Variants in FARP1 observed in about 807,000 individuals in gnomAD.
The protein encoded by FARP1 is FERM, ARH/RhoGEF and pleckstrin domain protein 1, also known as FERM, ARHGEF and pleckstrin domain-containing protein 1.
A neutral mutation model predicts 128.8 loss-of-function variants in FARP1; 52 were observed. The observed-to-expected ratio is 0.40, with a 90% confidence interval of 0.32 to 0.51. The LOEUF (loss-of-function observed/expected upper bound fraction) is 0.51. Among genes scored for constraint, FARP1 ranks in the 20% least tolerant of loss-of-function variants. The probability of loss-of-function intolerance (pLI) is 0.45; values close to 1 mark genes in which losing one functional copy is unlikely to be tolerated. For synonymous variants in FARP1, 580 were observed against 551.8 expected (o/e 1.05, Z -0.72); for missense variants, 1,333 against 1,367.9 (o/e 0.97, Z 0.40).
In FARP1 at chr13:98,452,831, T is replaced by G. The variant is rs1405009786; in HGVS notation, c.*4514T>G. 3 of 222,374 alleles carry G rather than the reference T, an allele frequency of 1.3e-5. No homozygotes were observed. The highest frequency in any genetic ancestry group is 2.3e-5 in the African/African-American group (1 of 43,774). The allele number at this position is 222,374 out of a possible 1,614,324, so 13.8% of individuals were successfully genotyped here. A position where few individuals can be genotyped will look rare whatever the true frequency, so the allele number is the denominator to read the frequency against. Reference sequence around the variant, plus strand: ...GATACCTGAGGTTTCATGTCTTTAGTTGCCTTATCATAATCCCAAATATAC... The same window carrying G: ...GATACCTGAGGTTTCATGTCTTTAGGTGCCTTATCATAATCCCAAATATAC... On this transcript the variant is annotated 3_prime_UTR_variant, in exon 27 of 27. Coordinates refer to ENST00000319562, the MANE Select transcript of FARP1 (RefSeq NM_005766.4).
chr13:98,345,906 G>A lies in FARP1; in HGVS notation c.276+2040G>A, dbSNP rs184042463. On this transcript the variant is annotated intron_variant, in intron 3 of 26. Coordinates refer to ENST00000319562, the MANE Select transcript of FARP1 (RefSeq NM_005766.4). The stretch of plus-strand genomic sequence containing the variant: ...TAACAGGAAGCCATAGTCGGCCAAC[G>A]CATGCTCTAGAGAGTGATAACTGCC... Among the ~76,000 whole-genome samples the A allele has an allele frequency of 4.6e-5, 7 of 152,304 alleles. No homozygotes were observed. In the South Asian group the frequency reaches 6.2e-4, roughly 14 times the overall value.
chr13:98,390,025 C>A lies in FARP1; in HGVS notation c.924C>A (p.Ile308=), dbSNP rs761416643. ...ATTTCTGCAAGTCCTTCTGGAAAATCTGTGTTGAACATCATGCCTTCTTTA... is the reference window on the plus strand; with the variant it reads ...ATTTCTGCAAGTCCTTCTGGAAAATATGTGTTGAACATCATGCCTTCTTTA... ...SRDFCKSFWK[I]CVEHHAFFRL... is the part of the protein sequence containing the mutation. Residue 308 remains isoleucine, a synonymous_variant, in exon 10 of 27, where the codon ATC becomes ATA. Transcript: ENST00000319562. The A allele has an allele frequency of 2.5e-6, 4 of 1,614,072 alleles. No individual in the cohort carries two copies. In the African/African-American group the frequency reaches 5.3e-5, roughly 22 times the overall value.
At chr13:98,407,458 T>C (rs1891027255) in intron 13 of FARP1, 1 of 152,210 alleles carries the variant, frequency 6.6e-6, no homozygotes, top group Admixed American at 6.5e-5. Flanking sequence ...TATTTAGTTG[T>C]GCACTAGTGT....
chr13:98,386,861 A>G (rs1360274513), intron 8 of FARP1, among the ~76,000 whole-genome samples: 3 of 152,206 alleles, frequency 2.0e-5, no homozygotes, highest in Non-Finnish European at 4.4e-5. Context: ...ATGACAGCAT[A>G]ATTATTACAA....
chr13:98,244,724 T>G (rs1882968381), intron 2 of FARP1: 1 of 1,607,914 alleles, frequency 6.2e-7, no homozygotes, highest in East Asian at 2.2e-5. Flanking sequence ...GGACTTGAAG[T>G]CCTGTTTCAT....
chr13:98,277,686 C>G (rs1216688868), intron 2 of FARP1, among the ~76,000 whole-genome samples: 1 of 152,182 alleles, frequency 6.6e-6, no homozygotes, highest in Admixed American at 6.5e-5. Context: ...CCGAGTGAGT[C>G]TCAGTTCCCT....
chr13:98,417,459 A>AGG (rs1566305151), intron 16 of FARP1, among the ~76,000 whole-genome samples: 5 of 99,500 alleles, frequency 5.0e-5, no homozygotes, highest in African/African-American at 2.2e-4. Context: ...AGGTTTGAAA[A>AGG]AAAAAAAAAA....
chr13:98,313,503 T>G (rs535993835), intron 2 of FARP1, among the ~76,000 whole-genome samples: 5 of 152,216 alleles, frequency 3.3e-5, no homozygotes, highest in African/African-American at 1.2e-4. Flanking sequence ...CCGGCCCTGC[T>G]AATGCCTTGA....
chr13:98,296,065 C>T (rs1346264174), intron 2 of FARP1, among the ~76,000 whole-genome samples: 3 of 152,160 alleles, frequency 2.0e-5, no homozygotes, highest in African/African-American at 7.2e-5. Context: ...AGGTGCGACA[C>T]CAGCTAACTG....
intron 2 of FARP1, among the ~76,000 whole-genome samples, chr13:98,282,902 A>G (rs1365731142): frequency 6.6e-6 from 1 of 152,176 alleles, no homozygotes; most frequent in Non-Finnish European, 1.5e-5. Context: ...TCCGTCTCAA[A>G]AAAAAATAAA....
intron 2 of FARP1, among the ~76,000 whole-genome samples, chr13:98,275,336 GGAGAGAGAGAGAGAGAGA>G (rs58331449): frequency 3.5e-5 from 5 of 143,652 alleles, no homozygotes; most frequent in African/African-American, 1.3e-4. Flanking sequence ...ATGTGGGTAA[GGAGAGAGAGAGAGAGAGA>G]GAGAGAGAGA....
At chr13:98,259,882 A>AGTGTGTGTGTGT (rs60886784) in intron 2 of FARP1, among the ~76,000 whole-genome samples, 13,626 of 128,578 alleles carry the variant, frequency 0.11, 906 homozygotes, top group South Asian at 0.14. Flanking sequence ...ATACCTGAAA[A>AGTGTGTGTGTGT]GTGTGTGTGT....
rs186816641 is a variant in FARP1, at chr13:98,294,481, T to C, written c.172-49281T>C. The stretch of plus-strand genomic sequence containing the variant: ...GAACTAAGAGTTCTCCCACATGTCA[T>C]ATTACTTAATTTAAAATAAAAACAC... On this transcript the variant is annotated intron_variant, in intron 2 of 26. Coordinates refer to ENST00000319562, the MANE Select transcript of FARP1 (RefSeq NM_005766.4). Among the ~76,000 whole-genome samples the C allele has an allele frequency of 3.0e-4, 46 of 152,348 alleles. No homozygotes were observed. The East Asian group carries it at 6.7e-3, about 22-fold the overall frequency.
intron 13 of FARP1, chr13:98,404,043 A>ACATCACCACCAC (rs906454871): frequency 6.5e-5 from 10 of 154,356 alleles, no homozygotes; most frequent in African/African-American, 2.2e-4. Context: ...GCTACTACCA[A>ACATCACCACCAC]CATCACCACC....
intron 3 of FARP1, among the ~76,000 whole-genome samples, chr13:98,354,527 T>C (rs1268746982): frequency 6.6e-6 from 1 of 152,186 alleles, no homozygotes; most frequent in Admixed American, 6.5e-5. Context: ...GAGGAAAGTT[T>C]ACAAAATGGA....
intron 2 of FARP1, among the ~76,000 whole-genome samples, chr13:98,343,298 A>G (rs1251710993): frequency 6.6e-6 from 1 of 152,154 alleles, no homozygotes; most frequent in Non-Finnish European, 1.5e-5. Flanking sequence ...GGGTCACAAC[A>G]CATTTGTCAT....
chr13:98,165,575 TTACTC>T (rs1877187854), intron 1 of FARP1, among the ~76,000 whole-genome samples: 1 of 151,714 alleles, frequency 6.6e-6, no homozygotes, highest in South Asian at 2.1e-4. Context: ...AGGGGAAAGT[TTACTC>T]TATTTAAAAA....
At chr13:98,185,417 T>TGTCCTA (rs1878795406) in intron 1 of FARP1, among the ~76,000 whole-genome samples, 1 of 152,188 alleles carries the variant, frequency 6.6e-6, no homozygotes, top group Admixed American at 6.6e-5. Context: ...GGTGTCGTTT[T>TGTCCTA]GTCCTAGATC....
chr13:98,286,024 A>G (rs1885150076), intron 2 of FARP1, among the ~76,000 whole-genome samples: 1 of 152,026 alleles, frequency 6.6e-6, no homozygotes, highest in South Asian at 2.1e-4. Context: ...GTACCCTGAG[A>G]TCAGTATATC....
Sources: gnomAD v4.1 joint callset for allele counts (sites outside exome capture counted in the v4.1 genomes callset) on GRCh38, gnomAD v4.1.1 for gene constraint, MANE v1.5 for transcripts, NCBI Gene and HGNC (gene_info 2026-07-23, HGNC 2026-07-21) for gene names.